Variants in PROSER3 observed in about 807,000 individuals in gnomAD.
PROSER3 encodes the protein proline and serine rich 3, also known as proline and serine-rich protein 3.
PROSER3 carries 33 observed loss-of-function variants against 50.2 expected under a neutral mutation model. The ratio of observed to expected loss-of-function variants is 0.66; its 90% confidence interval spans 0.50 to 0.88. The LOEUF is 0.88. PROSER3 is among the 40% of genes least tolerant of loss of function. PROSER3 has a pLI of 0.00. For synonymous variants in PROSER3, 266 were observed against 259.3 expected (o/e 1.03, Z -0.25); for missense variants, 623 against 612.7 (o/e 1.02, Z -0.18).
downstream of PROSER3, chr19:35,769,306 CTTT>C (rs35628507): frequency 8.2e-5 from 11 of 134,030 alleles, no homozygotes; most frequent in Non-Finnish European, 6.3e-5. Flanking sequence ...TCCCCAGCTT[CTTT>C]TTTTTTTTTT....
chr19:35,768,692 T>C, exon 11 of PROSER3: 1 of 968,598 alleles, frequency 1.0e-6, no homozygotes. Context: ...GCCCCATGGC[T>C]CTGCCCTGCC....
chr19:35,767,314 C>T (rs997810128), intron 8 of PROSER3: 1 of 297,962 alleles, frequency 3.4e-6, no homozygotes, highest in African/African-American at 2.2e-5. Context: ...AGGCCTCCAC[C>T]CTAGCACATC....
intron 5 of PROSER3, among the ~76,000 whole-genome samples, chr19:35,764,447 G>A (rs530400821): frequency 5.3e-5 from 8 of 152,062 alleles, no homozygotes; most frequent in South Asian, 4.2e-4. Context: ...ACCTGAGGTC[G>A]CGAGTTTGAG....
At chr19:35,761,911 G>T (rs1970962199) in intron 3 of PROSER3, 108 bp from the exon 4 acceptor site, 4 of 1,258,450 alleles carry the variant, frequency 3.2e-6, no homozygotes, top group Non-Finnish European at 4.3e-6. Context: ...TTGAGGGATA[G>T]CTACCAGGCT....
intron 5 of PROSER3, chr19:35,762,669 T>G (rs111499818): frequency 0.09 from 22,538 of 251,008 alleles, 1,305 homozygotes; most frequent in South Asian, 0.097. Flanking sequence ...AAGGCTGCTG[T>G]GAGCTATGAT....
intron 3 of PROSER3, among the ~76,000 whole-genome samples, chr19:35,761,254 G>A (rs976299408): frequency 2.0e-5 from 3 of 152,122 alleles, no homozygotes; most frequent in African/African-American, 4.8e-5. Context: ...TTACATTCCT[G>A]GCTGGGCACA....
rs1971085315 is a variant in PROSER3 at position 35,764,905 on chromosome 19, C to T, written c.595C>T (p.Gln199Ter). The stretch of plus-strand genomic sequence containing the variant: ...GCTGGACCTGGAGACGCTGAGCCTA[C>T]AGAGCAGAGCTGCCAGGCTGCTCAA... Residue 199 changes from glutamine (Q) to a stop codon, truncating the protein, a stop_gained, in exon 6 of 11, where the codon CAG becomes TAG. Coordinates refer to ENST00000396908, the Ensembl canonical transcript of PROSER3. LOFTEE classifies it high-confidence loss of function. 1 of 1,613,660 alleles carries T rather than the reference C, an allele frequency of 6.2e-7. No individual in the cohort carries two copies. The highest frequency in any genetic ancestry group is 2.2e-5 in the East Asian group (1 of 44,898).
intron 5 of PROSER3, among the ~76,000 whole-genome samples, chr19:35,763,280 C>CA (rs34142289): frequency 0.098 from 14,843 of 151,638 alleles, 866 homozygotes; most frequent in African/African-American, 0.16. Flanking sequence ...CAGCTCACTG[C>CA]AACCTCCGCC....
downstream of PROSER3, chr19:35,769,288 C>T (rs1599761208): frequency 2.0e-5 from 3 of 149,724 alleles, no homozygotes; most frequent in Non-Finnish European, 2.9e-5. Flanking sequence ...TCCCCCTAGG[C>T]GTGCCTCTCC....
At chr19:35,765,818 A>C (rs1971122970) in intron 7 of PROSER3, among the ~76,000 whole-genome samples, 1 of 152,118 alleles carries the variant, frequency 6.6e-6, no homozygotes, top group Non-Finnish European at 1.5e-5. Context: ...GGTTATAAGA[A>C]TGGGCCATTC....
chr19:35,759,711 G>T (rs1970890216), intron 2 of PROSER3, 78 bp from the exon 3 acceptor site: 2 of 1,348,100 alleles, frequency 1.5e-6, no homozygotes, highest in African/African-American at 1.5e-5. Flanking sequence ...CTGAGACTTT[G>T]TGTGTGTCCT....
chr19:35,763,406 G>A (rs537588103), intron 5 of PROSER3, among the ~76,000 whole-genome samples: 15 of 149,338 alleles, frequency 1.0e-4, no homozygotes, highest in East Asian at 4.0e-4. Flanking sequence ...GGATTTCACC[G>A]TGTTGCCCAG....
At chr19:35,766,980 G>A in intron 8 of PROSER3, 25 bp downstream of exon 8, 3 of 1,532,704 alleles carry the variant, frequency 2.0e-6, no homozygotes, top group South Asian at 1.2e-5. Flanking sequence ...GGAGGAGCCT[G>A]GGGGGAGCTG....
chr19:35,767,468 A>C, intron 8 of PROSER3: 1 of 224,560 alleles, frequency 4.5e-6, no homozygotes, highest in South Asian at 6.1e-5. Flanking sequence ...TCCAGCCTCC[A>C]CCCTCGCATC....
At chr19:35,763,795 C>T (rs998212237) in intron 5 of PROSER3, among the ~76,000 whole-genome samples, 5 of 148,880 alleles carry the variant, frequency 3.4e-5, no homozygotes, top group East Asian at 3.9e-4. Context: ...CATGAGCCAC[C>T]GCGCCCGGCC....
Position 35,766,904 on chromosome 19 carries a change from C to G in PROSER3, c.906C>G (p.Ser302Arg), listed in dbSNP as rs231219. The G allele has an allele frequency of 1.9e-3, 2,972 of 1,553,820 alleles. 48 individuals are homozygous for G. The African/African-American group carries it at 0.034, about 18-fold the overall frequency. The change falls in exon 8 of 11, where the codon AGC becomes AGG. Residue 302 changes from serine (S) to arginine (R), a missense_variant. Coordinates refer to ENST00000396908, the Ensembl canonical transcript of PROSER3. ...GGAAGCTTGAACAGGCTCAGGGAAG[C>G]AAGGGTGACAGAGCTTGGGTGCCGC... is the stretch of plus-strand genomic sequence containing the variant.
At chr19:35,764,132 C>T (rs960526249) in intron 5 of PROSER3, among the ~76,000 whole-genome samples, 3 of 152,206 alleles carry the variant, frequency 2.0e-5, no homozygotes, top group African/African-American at 7.2e-5. Context: ...GGGCTTTCCC[C>T]TCACAATAGC....
exon 9 of PROSER3, chr19:35,767,998 C>A (rs773703607): frequency 2.8e-5 from 45 of 1,594,750 alleles, no homozygotes; most frequent in Non-Finnish European, 3.8e-5. Flanking sequence ...CGCCCCCGCC[C>A]GCTGCTGACC....
At chr19:35,763,013 A>G (rs1046856844) in intron 5 of PROSER3, 15 of 150,944 alleles carry the variant, frequency 9.9e-5, no homozygotes, top group African/African-American at 3.7e-4. Context: ...GCCTGGCGAC[A>G]GCAAGACTCC....
Sources: gnomAD v4.1 joint callset for allele counts (sites outside exome capture counted in the v4.1 genomes callset) on GRCh38, gnomAD v4.1.1 for gene constraint, MANE v1.5 for transcripts, NCBI Gene and HGNC (gene_info 2026-07-23, HGNC 2026-07-21) for gene names.